The following DNAH12 variants were observed in gnomAD, a reference collection of about 807,000 sequenced individuals.
DNAH12 encodes the protein axonemal beta dynein heavy chain 12.
Under a neutral mutation model 371.5 loss-of-function variants are expected in DNAH12, and 285 were observed. The observed-to-expected ratio is 0.77, with a 90% confidence interval of 0.70 to 0.85. The LOEUF (loss-of-function observed/expected upper bound fraction) is 0.85, where lower values mean the gene tolerates loss of function less well. Ranked by LOEUF, DNAH12 falls within the 40% of genes least tolerant of loss-of-function variation. DNAH12 has a pLI of 0.00. For synonymous variants in DNAH12, 1,200 were observed against 1,213.0 expected, an observed-to-expected ratio of 0.99 and a Z score of 0.22; for missense variants, 3,611 against 3,689.4, an observed-to-expected ratio of 0.98 and a Z score of 0.55.
Position 57,334,456 on chromosome 3 carries a change from G to A in DNAH12, c.9978+9C>T, listed in dbSNP as rs2062176527. ...TCTGGGTTCCAAATAGAACACATTG[G>A]TCTTTTACCTTATCAGGTCTTAAAC... is the stretch of plus-strand genomic sequence containing the variant. On this transcript the variant is annotated intron_variant, in intron 62 of 73. Transcript: ENST00000495027. 1.3e-6 allele frequency: 2 copies of A among 1,543,592 alleles called. No homozygotes were observed. The highest frequency in any genetic ancestry group is 1.2e-5 in the South Asian group (1 of 81,880).
In DNAH12 at chr3:57,379,582, T is replaced by C. The variant is rs941148077; in HGVS notation, c.8083-284A>G. On this transcript the variant is annotated intron_variant, in intron 51 of 73. Transcript: ENST00000495027. ...TAGGCTGGGTGCAGTGGCTCACACCTGTAATCCCAGCACTTTGGGAGGCCA... is the reference window on the plus strand; with the variant it reads ...TAGGCTGGGTGCAGTGGCTCACACCCGTAATCCCAGCACTTTGGGAGGCCA... Among the ~76,000 whole-genome samples, 1,118 of 152,228 alleles carry C rather than the reference T, an allele frequency of 7.3e-3. 13 individuals are homozygous for C. The highest frequency in any genetic ancestry group is 0.025 in the African/African-American group (1,039 of 41,552).
chr3:57,387,380 C>A (rs2063516542), intron 45 of DNAH12, among the ~76,000 whole-genome samples, 161 bp from the exon 46 acceptor site: 1 of 152,032 alleles, frequency 6.6e-6, no homozygotes, highest in Non-Finnish European at 1.5e-5. Context: ...ATAAGAGGGA[C>A]TGAGGTCTCT....
chr3:57,360,745 T>G (rs915932235), intron 58 of DNAH12, among the ~76,000 whole-genome samples: 32 of 151,866 alleles, frequency 2.1e-4, no homozygotes, highest in Non-Finnish European at 4.3e-4. Context: ...CATTGTGGGG[T>G]GGGGAGCAGT....
chr3:57,501,851 C>A (rs2067558622), intron 10 of DNAH12, among the ~76,000 whole-genome samples: 1 of 152,122 alleles, frequency 6.6e-6, no homozygotes, highest in African/African-American at 2.4e-5. Context: ...GACTTTATCA[C>A]CCTGCTCCAG....
the DNAH12 span, among the ~76,000 whole-genome samples, chr3:57,551,566 G>T: frequency 3.9e-5 from 6 of 152,064 alleles, no homozygotes; most frequent in South Asian, 2.1e-4. Context: ...CACCGCGCCC[G>T]GCCACAAAAT....
intron 43 of DNAH12, among the ~76,000 whole-genome samples, chr3:57,399,621 A>G (rs973655291): frequency 0.09 from 13,777 of 152,246 alleles, 2,087 homozygotes; most frequent in African/African-American, 0.31. Context: ...TATAACAATT[A>G]CAGTTGACCA....
chr3:57,481,943 T>C (rs900441838), intron 13 of DNAH12, among the ~76,000 whole-genome samples: 3 of 152,156 alleles, frequency 2.0e-5, no homozygotes, highest in East Asian at 1.9e-4. Context: ...AAGACTTAAA[T>C]GTTAGACCTA....
intron 62 of DNAH12, among the ~76,000 whole-genome samples, chr3:57,329,766 T>C (rs2062046422): frequency 6.6e-6 from 1 of 151,514 alleles, no homozygotes; most frequent in East Asian, 1.9e-4. Context: ...ACCATCAGAG[T>C]GAACAGGCAA....
At chr3:57,470,178 C>T (rs1024365261) in intron 16 of DNAH12, among the ~76,000 whole-genome samples, 86 of 151,860 alleles carry the variant, frequency 5.7e-4, no homozygotes, top group African/African-American at 2.0e-3. Flanking sequence ...ATTGTAACAA[C>T]GTTTGAGGGA....
chr3:57,450,250 T>TTAAAAAAAA (rs559886102), intron 25 of DNAH12, among the ~76,000 whole-genome samples: 12 of 98,598 alleles, frequency 1.2e-4, no homozygotes, highest in Non-Finnish European at 2.0e-4. Context: ...TGTCTCAATT[T>TTAAAAAAAA]AAAAAAAAAA....
Position 57,464,007 on chromosome 3 carries a change from A to G in DNAH12, c.2350-1132T>C, listed in dbSNP as rs546276129. ...AAGAGAATCGGACTTCCACATCTGC[A>G]TTGCCCCTCCCTCTATTCTGTCTGG... is the stretch of plus-strand genomic sequence containing the variant. On this transcript the variant is annotated intron_variant, in intron 17 of 73. Coordinates refer to ENST00000495027, the MANE Select transcript of DNAH12 (RefSeq NM_001366028.2). Among the ~76,000 whole-genome samples the G allele has an allele frequency of 1.4e-3, 218 of 152,114 alleles. 1 individual carries two copies. The highest frequency in any genetic ancestry group is 2.4e-3 in the Non-Finnish European group (161 of 67,994).
At chr3:57,509,502 C>T (rs1291721525) in intron 5 of DNAH12, among the ~76,000 whole-genome samples, 1 of 152,022 alleles carries the variant, frequency 6.6e-6, no homozygotes, top group South Asian at 2.1e-4. Context: ...CTACCAGGGG[C>T]TGGGAGGATG....
rs887678829 is a variant in DNAH12 at position 57,390,728 on chromosome 3, G to A, written c.7305+1144C>T. The stretch of plus-strand genomic sequence containing the variant: ...GACAGTCTGTCTTAGGTGAGGCAGT[G>A]GCCTTCATCATTTGCTTCCAGCATG... On this transcript the variant is annotated intron_variant, in intron 45 of 73. Coordinates refer to ENST00000495027, the MANE Select transcript of DNAH12 (RefSeq NM_001366028.2). Among the ~76,000 whole-genome samples the A allele has an allele frequency of 4.4e-4, 67 of 151,860 alleles. 1 individual carries two copies. The highest frequency in any genetic ancestry group is 1.6e-3 in the African/African-American group (65 of 41,456).
rs192209658 is a variant in DNAH12, at chr3:57,305,225, G to A, written c.11190-3286C>T. Among the ~76,000 whole-genome samples, 268 of 151,964 alleles carry A rather than the reference G, an allele frequency of 1.8e-3. 1 individual carries two copies. The highest frequency in any genetic ancestry group is 6.2e-3 in the African/African-American group (256 of 41,418). On this transcript the variant is annotated intron_variant, in intron 69 of 73. Transcript: ENST00000495027. ...CCTCCCTAGTCTCTGTTCCCGATGC[G>A]ACTCATCCCAAACCCTCCTTCTTTC...
intron 41 of DNAH12, 146 bp from the exon 42 acceptor site, chr3:57,405,293 C>A: frequency 1.5e-6 from 1 of 676,314 alleles, no homozygotes; most frequent in Non-Finnish European, 2.4e-6. Context: ...AAATTAATAC[C>A]TGAAATTATA....
intron 2 of DNAH12, among the ~76,000 whole-genome samples, chr3:57,535,884 T>G (rs1156541057): frequency 6.8e-6 from 1 of 148,042 alleles, no homozygotes; most frequent in Non-Finnish European, 1.5e-5. Flanking sequence ...ATTGCCCAGC[T>G]GGAGTACAGT....
chr3:57,525,610 T>C (rs2068618602), intron 2 of DNAH12, among the ~76,000 whole-genome samples: 1 of 152,160 alleles, frequency 6.6e-6, no homozygotes, highest in African/African-American at 2.4e-5. Context: ...AATAATCATA[T>C]CAAGGTAAAT....
At chr3:57,518,753 A>G (rs1003884556) in intron 4 of DNAH12, among the ~76,000 whole-genome samples, 2 of 152,286 alleles carry the variant, frequency 1.3e-5, no homozygotes, top group Admixed American at 6.5e-5. Context: ...ATTGATGGTG[A>G]TAACAACTAG....
chr3:57,411,818 T>C (rs543199798), intron 39 of DNAH12, among the ~76,000 whole-genome samples: 1 of 152,272 alleles, frequency 6.6e-6, no homozygotes, highest in East Asian at 1.9e-4. Flanking sequence ...TTTTTGGATA[T>C]TGAGAAACTG....
Sources: gnomAD v4.1 joint callset for allele counts (sites outside exome capture counted in the v4.1 genomes callset) on GRCh38, gnomAD v4.1.1 for gene constraint, MANE v1.5 for transcripts, NCBI Gene and HGNC (gene_info 2026-07-23, HGNC 2026-07-21) for gene names.